PICALM: variants seen among roughly 807,000 people sequenced by gnomAD.
PICALM encodes the protein phosphatidylinositol-binding clathrin assembly protein.
Under a neutral mutation model 80.5 loss-of-function variants are expected in PICALM, and 40 were observed. That is an observed-to-expected ratio of 0.50 (90% CI 0.39 to 0.65). The LOEUF (loss-of-function observed/expected upper bound fraction) is 0.65. Among genes scored for constraint, PICALM ranks in the 30% least tolerant of loss-of-function variants. The pLI, the probability that PICALM is intolerant of heterozygous loss-of-function variation, is 0.00. For synonymous variants in PICALM, 288 were observed against 260.3 expected, an observed-to-expected ratio of 1.11 and a Z score of -1.02; for missense variants, 676 against 778.9, an observed-to-expected ratio of 0.87 and a Z score of 1.57.
intron 17 of PICALM, among the ~76,000 whole-genome samples, chr11:85,980,071 T>C (rs989864284): frequency 3.3e-5 from 5 of 152,216 alleles, no homozygotes; most frequent in African/African-American, 1.2e-4. Context: ...CAAATTCACC[T>C]ACATGATAAA....
chr11:86,015,497 G>T (rs996689962), intron 4 of PICALM, among the ~76,000 whole-genome samples: 3 of 152,116 alleles, frequency 2.0e-5, no homozygotes, highest in African/African-American at 7.2e-5. Context: ...ACAAAATAAA[G>T]AACAATTTTA....
At chr11:86,018,925 G>T (rs1459248852) in intron 4 of PICALM, among the ~76,000 whole-genome samples, 1 of 151,206 alleles carries the variant, frequency 6.6e-6, no homozygotes, top group Non-Finnish European at 1.5e-5. Flanking sequence ...GGATCTATGT[G>T]TACAGACATT....
intron 2 of PICALM, among the ~76,000 whole-genome samples, chr11:86,029,512 A>G (rs899917454): frequency 2.0e-5 from 3 of 152,230 alleles, no homozygotes; most frequent in Non-Finnish European, 4.4e-5. Context: ...AAAACACACT[A>G]AAATGCTATC....
At chr11:86,048,962 C>G (rs1376148051) in intron 1 of PICALM, among the ~76,000 whole-genome samples, 5 of 151,508 alleles carry the variant, frequency 3.3e-5, no homozygotes, top group Non-Finnish European at 7.4e-5. Flanking sequence ...GTATATCTTC[C>G]AATTCTGAAA....
Position 86,003,375 on chromosome 11 carries a change from G to T in PICALM, c.884C>A (p.Ala295Asp). 2 of 1,589,300 alleles carry T rather than the reference G, an allele frequency of 1.3e-6. No homozygotes were observed. The highest frequency in any genetic ancestry group is 8.6e-7 in the Non-Finnish European group (1 of 1,161,344). ...ACAAAGAATGATATACCTGCTTGCAGCTGTAGAATCTTTGATTTTCTTTCC... is the reference window on the plus strand; with the variant it reads ...ACAAAGAATGATATACCTGCTTGCATCTGTAGAATCTTTGATTTTCTTTCC... ...LEGKKIKDSTAASRATTLSNA... is the reference protein window; with the variant it reads ...LEGKKIKDSTDASRATTLSNA... Residue 295 changes from alanine to aspartate, a missense_variant, in exon 9 of 20, where the codon GCT becomes GAT. Transcript: ENST00000393346.
intron 1 of PICALM, among the ~76,000 whole-genome samples, chr11:86,049,757 TG>T (rs2096146993): frequency 6.6e-6 from 1 of 151,448 alleles, no homozygotes; most frequent in South Asian, 2.1e-4. Context: ...CTAAGAGAAC[TG>T]CTACCTTCCA....
chr11:86,068,949 G>T lies in PICALM; in HGVS notation c.-169C>A. 1 of 828,564 alleles carries T rather than the reference G, an allele frequency of 1.2e-6. No homozygotes were observed. The highest frequency in any genetic ancestry group is 1.8e-6 in the Non-Finnish European group (1 of 553,996). 51.3% of individuals were successfully genotyped at this position (828,564 alleles called of 1,614,324 possible). On this transcript the variant is annotated 5_prime_UTR_variant, in exon 1 of 20. Transcript: ENST00000393346. Reference sequence around the variant, plus strand: ...CCGCGCGCTGCCACCAGTCCAGAGAGAACCGGCTCGTGTCACCCGCGGAGT... The same window carrying T: ...CCGCGCGCTGCCACCAGTCCAGAGATAACCGGCTCGTGTCACCCGCGGAGT...
Position 86,039,615 on chromosome 11 carries a change from T to C in PICALM, c.131-8004A>G, listed in dbSNP as rs186772831. ...AAAGTTCTTCCTGAAGAAGGTAACC[T>C]GAAAAGACCTCCAACAATGCTAGTT... is the stretch of plus-strand genomic sequence containing the variant. On this transcript the variant is annotated intron_variant, in intron 1 of 19. Transcript: ENST00000393346. 4.4e-3 allele frequency among the ~76,000 whole-genome samples: 672 copies of C among 152,234 alleles called. 4 individuals are homozygous for C. The highest frequency in any genetic ancestry group is 0.015 in the African/African-American group (642 of 41,544).
chr11:86,032,086 G>C (rs771961416), intron 1 of PICALM, among the ~76,000 whole-genome samples: 16 of 152,100 alleles, frequency 1.1e-4, no homozygotes, highest in Admixed American at 9.2e-4. Context: ...ATCCACCCTA[G>C]AATGCTGTCT....
intron 13 of PICALM, among the ~76,000 whole-genome samples, chr11:85,987,816 C>A (rs1484583744): frequency 6.6e-6 from 1 of 152,146 alleles, no homozygotes; most frequent in Non-Finnish European, 1.5e-5. Flanking sequence ...TTTTATATAC[C>A]TAGCAAAGTG....
chr11:85,966,530 G>A (rs1565209388), intron 19 of PICALM, among the ~76,000 whole-genome samples: 1 of 152,162 alleles, frequency 6.6e-6, no homozygotes, highest in African/African-American at 2.4e-5. Context: ...AATTTTACAG[G>A]TAAGGAAACT....
At chr11:86,015,447 T>C (rs571230643) in intron 4 of PICALM, among the ~76,000 whole-genome samples, 3 of 152,332 alleles carry the variant, frequency 2.0e-5, no homozygotes, top group African/African-American at 7.2e-5. Flanking sequence ...CCAACAGCAA[T>C]GGCTTTTAAT....
intron 19 of PICALM, chr11:85,960,823 G>C: frequency 1.1e-6 from 1 of 886,754 alleles, no homozygotes; most frequent in Non-Finnish European, 1.5e-6. Flanking sequence ...AAAGATCTCA[G>C]AATGACAGAA....
intron 1 of PICALM, among the ~76,000 whole-genome samples, chr11:86,052,854 TCA>T (rs545805604): frequency 3.7e-4 from 56 of 152,316 alleles, no homozygotes; most frequent in African/African-American, 1.3e-3. Flanking sequence ...CCTGTCCCTC[TCA>T]CAGTCCAAAA....
chr11:86,007,504 C>T, intron 8 of PICALM, 38 bp downstream of exon 8: 3 of 1,206,004 alleles, frequency 2.5e-6, no homozygotes, highest in South Asian at 1.2e-5. Context: ...AACTTGTACA[C>T]AACAGATAGT....
Position 86,014,859 on chromosome 11 carries a change from G to C in PICALM, c.546+11C>G, listed in dbSNP as rs776804175. The C allele has an allele frequency of 7.0e-7, 1 of 1,427,904 alleles. No individual in the cohort carries two copies. Among genetic ancestry groups the C allele is most frequent in the Admixed American group, 2.0e-5 (1 of 50,808 alleles). 88.5% of individuals were successfully genotyped at this position (1,427,904 alleles called of 1,614,324 possible). A position where few individuals can be genotyped will look rare whatever the true frequency, so the allele number is the denominator to read the frequency against. On this transcript the variant is annotated intron_variant, in intron 5 of 19. Coordinates refer to ENST00000393346, the MANE Select transcript of PICALM (RefSeq NM_007166.4). ...TTTTTTAAAATCTTAAATTACAAAAGCATAACTCACATTAAAATCAAGAAG... is the reference window on the plus strand; with the variant it reads ...TTTTTTAAAATCTTAAATTACAAAACCATAACTCACATTAAAATCAAGAAG...
chr11:86,027,802 T>C (rs2095674075), intron 2 of PICALM, among the ~76,000 whole-genome samples: 1 of 152,146 alleles, frequency 6.6e-6, no homozygotes, highest in Admixed American at 6.5e-5. Context: ...ATTATAGGTA[T>C]GAGAAACTGC....
At chr11:86,031,802 T>C (rs976890250) in intron 1 of PICALM, among the ~76,000 whole-genome samples, 191 bp from the exon 2 acceptor site, 8 of 152,102 alleles carry the variant, frequency 5.3e-5, no homozygotes, top group Admixed American at 2.0e-4. Context: ...GGGTACCAAT[T>C]AGAATCACAT....
intron 19 of PICALM, among the ~76,000 whole-genome samples, chr11:85,967,072 G>T (rs192268167): frequency 1.3e-5 from 2 of 152,270 alleles, no homozygotes; most frequent in African/African-American, 2.4e-5. Context: ...CTCTAATGCA[G>T]ATCTGCTGGT....
Sources: allele counts gnomAD v4.1 joint callset (sites outside exome capture counted in the v4.1 genomes callset), GRCh38; gene constraint gnomAD v4.1.1; transcripts MANE v1.5; gene names NCBI Gene and HGNC (gene_info 2026-07-23, HGNC 2026-07-21).